Variants in ZMIZ1 observed in about 807,000 individuals in gnomAD.
ZMIZ1 encodes zinc finger MIZ-type containing 1, also known as zinc finger MIZ domain-containing protein 1.
Under a neutral mutation model 113.9 loss-of-function variants are expected in ZMIZ1, and 17 were observed. The ratio of observed to expected loss-of-function variants is 0.15; its 90% CI spans 0.10 to 0.22. ZMIZ1 has a LOEUF of 0.22. ZMIZ1 is among the 10% of genes least tolerant of loss of function. ZMIZ1 has a pLI of 1.00. For synonymous variants in ZMIZ1, 607 were observed against 603.1 expected, an observed-to-expected ratio of 1.01 and a Z score of -0.09; for missense variants, 1,059 against 1,477.8, an observed-to-expected ratio of 0.72 and a Z score of 4.65.
chr10:79,307,656 C>G, intron 23 of ZMIZ1, 85 bp downstream of exon 23: 2 of 1,457,046 alleles, frequency 1.4e-6, no homozygotes, highest in East Asian at 4.6e-5. Flanking sequence ...CCCTCCCAGG[C>G]AAGGCAGAGG....
At chr10:79,290,588 C>T (rs1043288457) in intron 9 of ZMIZ1, among the ~76,000 whole-genome samples, 1 of 152,162 alleles carries the variant, frequency 6.6e-6, no homozygotes, top group Non-Finnish European at 1.5e-5. Context: ...CATCCAGGCT[C>T]GTTTGTGGGG....
chr10:79,189,409 C>A (rs886230931), intron 4 of ZMIZ1, among the ~76,000 whole-genome samples: 5 of 152,226 alleles, frequency 3.3e-5, no homozygotes, highest in Non-Finnish European at 5.9e-5. Flanking sequence ...CCAGGGCACT[C>A]TAGAGAGTGA....
chr10:79,176,192 G>A (rs1031816248), intron 4 of ZMIZ1, among the ~76,000 whole-genome samples: 3 of 152,004 alleles, frequency 2.0e-5, no homozygotes, highest in Admixed American at 6.5e-5. Flanking sequence ...ACTGCCTCTC[G>A]AAATGTCATT....
intron 4 of ZMIZ1, among the ~76,000 whole-genome samples, chr10:79,165,965 T>TGCGCGCGCATGCGCGCGCGC (rs1564692738): frequency 9.9e-4 from 13 of 13,102 alleles, no homozygotes; most frequent in Non-Finnish European, 1.8e-3. Flanking sequence ...TGTGTGTGTG[T>TGCGCGCGCATGCGCGCGCGC]GTGTGTGTGT....
chr10:79,113,964 C>T, intron 1 of ZMIZ1, among the ~76,000 whole-genome samples: 1 of 152,190 alleles, frequency 6.6e-6, no homozygotes, highest in East Asian at 1.9e-4. Flanking sequence ...GAAGGCGGTG[C>T]TGGAGTCTCC....
chr10:79,255,583 G>A (rs1850838069), intron 7 of ZMIZ1, among the ~76,000 whole-genome samples: 1 of 152,056 alleles, frequency 6.6e-6, no homozygotes. Flanking sequence ...ATTTCTCTGT[G>A]CTCTCCAAGT....
rs537021952 is a variant in ZMIZ1 at position 79,312,537 on chromosome 10, G to A, written c.3097-105G>A. On this transcript the variant is annotated intron_variant, in intron 24 of 24. Coordinates refer to ENST00000334512, the MANE Select transcript of ZMIZ1 (RefSeq NM_020338.4). ...TACCCCTTTTTTTGGCTAGGGTCCT[G>A]AGAGGCAGGTGGAGGGGGACGGGCC... 6 of 1,246,882 alleles carry A rather than the reference G, an allele frequency of 4.8e-6. No homozygotes were observed. The African/African-American group carries it at 7.4e-5, about 15-fold the overall frequency. The allele number at this position is 1,246,882 out of a possible 1,614,324, so 77.2% of individuals were successfully genotyped here.
At chr10:79,112,282 G>C (rs1163455777) in intron 1 of ZMIZ1, among the ~76,000 whole-genome samples, 1 of 152,192 alleles carries the variant, frequency 6.6e-6, no homozygotes, top group Non-Finnish European at 1.5e-5. Flanking sequence ...CTCTGTGCCA[G>C]GTCGGACCCA....
chr10:79,293,295 AC>A (rs1853637181), intron 11 of ZMIZ1, 85 bp from the exon 12 acceptor site: 1 of 1,474,516 alleles, frequency 6.8e-7, no homozygotes, highest in East Asian at 2.3e-5. Flanking sequence ...CACCTCCCCA[AC>A]CCTTCCCTCC....
At chr10:79,233,876 T>G (rs1170703631) in intron 7 of ZMIZ1, among the ~76,000 whole-genome samples, 1 of 152,032 alleles carries the variant, frequency 6.6e-6, no homozygotes, top group African/African-American at 2.4e-5. Flanking sequence ...CCCAACACTT[T>G]GATCGGCATA....
chr10:79,301,651 C>G (rs991091263), intron 17 of ZMIZ1, among the ~76,000 whole-genome samples: 1 of 152,198 alleles, frequency 6.6e-6, no homozygotes, highest in African/African-American at 2.4e-5. Context: ...CTGGGCAGCA[C>G]ATCCCATTCT....
At chr10:79,291,520 A>G (rs1853494300) in intron 10 of ZMIZ1, among the ~76,000 whole-genome samples, 1 of 152,278 alleles carries the variant, frequency 6.6e-6, no homozygotes, top group Non-Finnish European at 1.5e-5. Flanking sequence ...AAGAGCAGGT[A>G]TAGATGGGGT....
chr10:79,227,940 A>G (rs976658984), intron 7 of ZMIZ1, among the ~76,000 whole-genome samples: 1 of 152,232 alleles, frequency 6.6e-6, no homozygotes, highest in African/African-American at 2.4e-5. Flanking sequence ...AGAAGGGGAA[A>G]GTAGAGAGCT....
chr10:79,316,123 C>G lies in ZMIZ1; in HGVS notation c.*3374C>G, dbSNP rs1335359165. The G allele has an allele frequency of 6.5e-6, 1 of 152,690 alleles. No homozygotes were observed. The highest frequency in any genetic ancestry group is 1.5e-5 in the Non-Finnish European group (1 of 68,042). 9.5% of individuals were successfully genotyped at this position (152,690 alleles called of 1,614,324 possible). ...GAAGAAAATTGTAACCAAATTCATA[C>G]TTTGTATAATTTTTGATATCATGAT... is the stretch of plus-strand genomic sequence containing the variant. On this transcript the variant is annotated 3_prime_UTR_variant, in exon 25 of 25. Transcript: ENST00000334512.
chr10:79,185,248 C>T (rs11813890), intron 4 of ZMIZ1, among the ~76,000 whole-genome samples: 7,957 of 152,272 alleles, frequency 0.052, 267 homozygotes, highest in African/African-American at 0.059. Context: ...CCCCCTCCCC[C>T]CGAAATGAGT....
chr10:79,123,018 A>G (rs1008960684), intron 2 of ZMIZ1, among the ~76,000 whole-genome samples: 1 of 152,168 alleles, frequency 6.6e-6, no homozygotes, highest in African/African-American at 2.4e-5. Context: ...TTTTCCCCAC[A>G]AGTGATGTGG....
At chr10:79,087,747 G>A (rs979350085) in intron 1 of ZMIZ1, among the ~76,000 whole-genome samples, 2 of 152,334 alleles carry the variant, frequency 1.3e-5, no homozygotes, top group African/African-American at 2.4e-5. Context: ...TGCTTTGCAC[G>A]TTGTGTTCCT....
chr10:79,304,753 A>T (rs1042891562), intron 19 of ZMIZ1, among the ~76,000 whole-genome samples: 3 of 152,284 alleles, frequency 2.0e-5, no homozygotes, highest in South Asian at 2.1e-4. Flanking sequence ...TGTGGGCAAG[A>T]GGATGGTCTG....
intron 4 of ZMIZ1, among the ~76,000 whole-genome samples, chr10:79,197,553 C>A (rs1847880106): frequency 6.6e-6 from 1 of 150,808 alleles, no homozygotes; most frequent in African/African-American, 2.5e-5. Context: ...ACAGAAGTAG[C>A]AAGCGGAGCT....
Sources: allele counts gnomAD v4.1 joint callset (sites outside exome capture counted in the v4.1 genomes callset), GRCh38; gene constraint gnomAD v4.1.1; transcripts MANE v1.5; gene names NCBI Gene and HGNC (gene_info 2026-07-23, HGNC 2026-07-21).